Variants in CLCN5 observed in about 807,000 individuals in gnomAD.
CLCN5 encodes Cl-/H+ antiporter 5, also known as H(+)/Cl(-) exchange transporter 5.
Under a neutral mutation model 54.0 loss-of-function variants are expected in CLCN5, and 17 were observed. That is an observed-to-expected ratio of 0.31 (90% CI 0.22 to 0.47). The LOEUF (loss-of-function observed/expected upper bound fraction) is 0.47. CLCN5 is among the 20% of genes least tolerant of loss of function. The pLI, the probability that CLCN5 is intolerant of heterozygous loss-of-function variation, is 1.00. For missense variants in CLCN5, 448 were observed against 646.7 expected, an observed-to-expected ratio of 0.69 and a Z score of 3.33; for synonymous variants, 222 against 233.0, an observed-to-expected ratio of 0.95 and a Z score of 0.43.
Position 50,086,595 on chromosome X carries a change from A to C in CLCN5, c.1282A>C (p.Ile428Leu), listed in dbSNP as rs782590680. Residue 428 changes from isoleucine (I) to leucine (L), a missense_variant, in exon 11 of 15, where the codon ATA becomes CTA. Around this residue, in one of 5 missense-constraint regions of CLCN5, gnomAD observed 297 missense variants for 470.4 expected, o/e 0.63. Coordinates refer to ENST00000376091, the MANE Select transcript of CLCN5 (RefSeq NM_001127898.4). ...CACCCAGTTGGGCAAGTATCCTGTT[A>C]TAGAGGTACTCGTCGTGACAGCCAT... ...KTTQLGKYPV[I>L]EVLVVTAITA... The C allele has an allele frequency of 8.3e-7, 1 of 1,211,001 alleles. No individual in the cohort carries two copies. Among genetic ancestry groups the C allele is most frequent in the Non-Finnish European group, 1.1e-6 (1 of 895,217 alleles).
At chrX:49,939,433 A>G (rs1244235908) in intron 3 of CLCN5, among the ~76,000 whole-genome samples, 1 of 111,649 alleles carries the variant, frequency 9.0e-6, no homozygotes, top group Non-Finnish European at 1.9e-5. Flanking sequence ...TGTGACACAT[A>G]TACACGATGG....
At chrX:49,930,034 GA>G (rs1557168631) in intron 3 of CLCN5, among the ~76,000 whole-genome samples, 3 of 111,042 alleles carry the variant, frequency 2.7e-5, no homozygotes, top group African/African-American at 9.8e-5. Context: ...AGGGGGATAA[GA>G]AAAAAACAAG....
chrX:49,970,426 C>T (rs782019777), intron 3 of CLCN5, among the ~76,000 whole-genome samples: 2 of 111,011 alleles, frequency 1.8e-5, no homozygotes, highest in Admixed American at 1.9e-4. Context: ...ACTCCCCCTA[C>T]CCGCACCTGA....
chrX:50,068,193 G>T (rs1933103303), intron 4 of CLCN5: 1 of 111,594 alleles, frequency 9.0e-6, no homozygotes, highest in Admixed American at 9.5e-5. Flanking sequence ...GGTGTCATGT[G>T]TTCATGTCAG....
At chrX:50,057,884 G>C (rs958685644) in intron 4 of CLCN5, among the ~76,000 whole-genome samples, 1 of 110,745 alleles carries the variant, frequency 9.0e-6, no homozygotes, top group African/African-American at 3.3e-5. Context: ...AATGGGATGT[G>C]AAAGAGTTTA....
Position 50,048,393 on chromosome X carries a change from A to C in CLCN5, c.163+5931A>C, listed in dbSNP as rs181493748. 7.6e-3 allele frequency among the ~76,000 whole-genome samples: 857 copies of C among 112,749 alleles called. 13 individuals are homozygous for C. The highest frequency in any genetic ancestry group is 0.027 in the African/African-American group (831 of 31,080). On this transcript the variant is annotated intron_variant, in intron 4 of 14. Coordinates refer to ENST00000376091, the MANE Select transcript of CLCN5 (RefSeq NM_001127898.4). ...GGACCCCCTGGTTTAGCTCACACGT[A>C]GGACTAGGAAGTTAGGTTTCACCTC...
intron 4 of CLCN5, among the ~76,000 whole-genome samples, chrX:50,056,080 T>G (rs966369853): frequency 1.8e-5 from 2 of 109,481 alleles, no homozygotes; most frequent in Non-Finnish European, 3.8e-5. Flanking sequence ...TTTTTGAAAC[T>G]TATTTTTCTG....
At chrX:50,009,333 C>G (rs1930369543) in intron 3 of CLCN5, among the ~76,000 whole-genome samples, 1 of 111,993 alleles carries the variant, frequency 8.9e-6, no homozygotes, top group African/African-American at 3.3e-5. Flanking sequence ...AGTCTTTGCT[C>G]TCAGTGAGCT....
chrX:50,032,290 G>C (rs1294653511), intron 3 of CLCN5, among the ~76,000 whole-genome samples: 1 of 111,029 alleles, frequency 9.0e-6, no homozygotes, highest in Non-Finnish European at 1.9e-5. Context: ...CTGAGGAATC[G>C]CCACACTGAC....
At chrX:50,000,826 C>A (rs887288944) in intron 3 of CLCN5, among the ~76,000 whole-genome samples, 1 of 111,996 alleles carries the variant, frequency 8.9e-6, no homozygotes, top group Non-Finnish European at 1.9e-5. Flanking sequence ...CTTCCTTAAT[C>A]CATATGCTTT....
chrX:49,937,414 C>T (rs1335793433), intron 3 of CLCN5, among the ~76,000 whole-genome samples: 2 of 111,306 alleles, frequency 1.8e-5, no homozygotes, highest in Non-Finnish European at 3.8e-5. Flanking sequence ...CTTTACCTCA[C>T]TAGATTATTT....
intron 3 of CLCN5, among the ~76,000 whole-genome samples, chrX:49,930,889 G>C (rs1192379903): frequency 8.9e-6 from 1 of 111,779 alleles, no homozygotes; most frequent in East Asian, 2.8e-4. Flanking sequence ...TCAAATCCCA[G>C]CTACACCTTT....
rs782636456 is a variant in CLCN5 at position 49,980,916 on chromosome X, A to T, written c.16+55602A>T. Among the ~76,000 whole-genome samples the T allele has an allele frequency of 2.7e-5, 3 of 111,597 alleles. No individual in the cohort carries two copies. The East Asian group carries it at 8.4e-4, about 31-fold the overall frequency. ...CAGAACTTTATTATTTTCTATATTA[A>T]GTTATTTCTCCATCAAAATCATGGC... On this transcript the variant is annotated intron_variant, in intron 3 of 14. Coordinates refer to ENST00000376091, the MANE Select transcript of CLCN5 (RefSeq NM_001127898.4).
chrX:50,049,644 T>A (rs189814296), intron 4 of CLCN5, among the ~76,000 whole-genome samples: 166 of 112,321 alleles, frequency 1.5e-3, no homozygotes, highest in Admixed American at 3.1e-3. Flanking sequence ...TTTATAAATT[T>A]GTGATGCAGT....
intron 3 of CLCN5, among the ~76,000 whole-genome samples, chrX:49,933,698 T>C (rs1343151983): frequency 9.0e-6 from 1 of 111,646 alleles, no homozygotes; most frequent in Admixed American, 9.5e-5. Flanking sequence ...CTCAGGATTA[T>C]TGGGAGGATG....
chrX:50,092,225 T>C lies in CLCN5; in HGVS notation c.*6T>C. Reference sequence around the variant, plus strand: ...ATTCCATTCTCTTCAACTAGAATCATAGAGTTCTGGATGTAAAGCGGGAAG... The same window carrying C: ...ATTCCATTCTCTTCAACTAGAATCACAGAGTTCTGGATGTAAAGCGGGAAG... On this transcript the variant is annotated 3_prime_UTR_variant, in exon 15 of 15. Coordinates refer to ENST00000376091, the MANE Select transcript of CLCN5 (RefSeq NM_001127898.4). The C allele has an allele frequency of 1.7e-6, 2 of 1,148,491 alleles. No individual in the cohort carries two copies. Among genetic ancestry groups the C allele is most frequent in the East Asian group, 3.0e-5 (1 of 33,577 alleles). 94.6% of individuals were successfully genotyped at this position (1,148,491 alleles called of 1,213,427 possible).
rs782108332 is a variant in CLCN5, at chrX:49,929,104, G to C, written c.16+3790G>C. Among the ~76,000 whole-genome samples, 9 of 111,536 alleles carry C rather than the reference G, an allele frequency of 8.1e-5. No individual in the cohort carries two copies. In the East Asian group the frequency reaches 2.0e-3, roughly 24 times the overall value. ...TGTGTGAGTCTGTTCTCAGCTCAAG[G>C]AAGCTTCTGAGTCAGTCTGTAGAGC... On this transcript the variant is annotated intron_variant, in intron 3 of 14. Transcript: ENST00000376091.
At chrX:49,981,032 T>C (rs1490349232) in intron 3 of CLCN5, among the ~76,000 whole-genome samples, 2 of 111,850 alleles carry the variant, frequency 1.8e-5, no homozygotes, top group Non-Finnish European at 3.8e-5. Context: ...ATGTACTTTA[T>C]GTAGTCATAT....
At chrX:49,950,265 G>A (rs1557172831) in intron 3 of CLCN5, among the ~76,000 whole-genome samples, 1 of 111,859 alleles carries the variant, frequency 8.9e-6, no homozygotes, top group Non-Finnish European at 1.9e-5. Context: ...CAGCTGCCCT[G>A]CATGGTTTAA....
Sources: gnomAD v4.1 joint callset for allele counts (sites outside exome capture counted in the v4.1 genomes callset) on GRCh38, gnomAD v4.1.1 for gene constraint, gnomAD v4.1.1 regional missense constraint, MANE v1.5 for transcripts, NCBI Gene and HGNC (gene_info 2026-07-23, HGNC 2026-07-21) for gene names.